HCN4: variants seen among roughly 807,000 people sequenced by gnomAD.
The protein encoded by HCN4 is potassium/sodium hyperpolarization-activated cyclic nucleotide-gated channel 4.
Under a neutral mutation model 76.9 loss-of-function variants are expected in HCN4, and 29 were observed. That is an observed-to-expected ratio of 0.38 (90% confidence interval 0.28 to 0.51). HCN4 has a LOEUF of 0.51. Among genes scored for constraint, HCN4 ranks in the 20% least tolerant of loss-of-function variants. The probability of loss-of-function intolerance (pLI) is 0.90; values close to 1 mark genes in which losing one functional copy is unlikely to be tolerated. For synonymous variants in HCN4, 772 were observed against 762.5 expected (o/e 1.01, Z -0.21); for missense variants, 1,416 against 1,715.2 (o/e 0.83, Z 3.08).
chr15:73,343,734 A>C lies in HCN4; in HGVS notation c.860T>G (p.Phe287Cys). The change falls in exon 2 of 8, where the codon TTC becomes TGC. Residue 287 changes from phenylalanine to cysteine, a missense_variant. Phe to Cys is a radical substitution (Grantham distance 205, BLOSUM62 -2). Around this residue, in one of 6 missense-constraint regions of HCN4, gnomAD observed 52 missense variants for 129.1 expected, o/e 0.40. Transcript: ENST00000261917. The surrounding 1 kb of genome is among the most constrained non-coding windows in gnomAD (Gnocchi z 5.7). ...LIIIPVGITFFKDENTTPWIV... is the reference protein window; with the variant it reads ...LIIIPVGITFCKDENTTPWIV... Reference sequence around the variant, plus strand: ...CCAGGGTGTGGTGTTCTCATCCTTGAAGAAGGTGATGCCCACAGGAATGAT... The same window carrying C: ...CCAGGGTGTGGTGTTCTCATCCTTGCAGAAGGTGATGCCCACAGGAATGAT... 6.2e-7 allele frequency: 1 copy of C among 1,614,172 alleles called. No individual in the cohort carries two copies. The highest frequency in any genetic ancestry group is 8.5e-7 in the Non-Finnish European group (1 of 1,180,032).
chr15:73,367,302 G>A lies in HCN4; in HGVS notation c.785+184C>T, dbSNP rs566033956. Among the ~76,000 whole-genome samples the A allele has an allele frequency of 1.3e-5, 2 of 152,136 alleles. No individual in the cohort carries two copies. The highest frequency in any genetic ancestry group is 3.9e-4 in the East Asian group (2 of 5,178). On this transcript the variant is annotated intron_variant, in intron 1 of 7. Transcript: ENST00000261917. The surrounding 1 kb of genome is among the most constrained non-coding windows in gnomAD (Gnocchi z 7.5). ...AGAAGACCAGTGACTGAACCCAGAGGAAAGTTCCCCCAGCGCGGTGCAGGA... is the reference window on the plus strand; with the variant it reads ...AGAAGACCAGTGACTGAACCCAGAGAAAAGTTCCCCCAGCGCGGTGCAGGA...
chr15:73,341,702 T>C (rs2043004534), intron 2 of HCN4, among the ~76,000 whole-genome samples: 1 of 152,200 alleles, frequency 6.6e-6, no homozygotes, highest in Admixed American at 6.5e-5. Context: ...GTCCCAGTTC[T>C]ACCAGAGGTC....
At chr15:73,360,722 G>A (rs1190622204) in intron 1 of HCN4, among the ~76,000 whole-genome samples, 5 of 152,170 alleles carry the variant, frequency 3.3e-5, no homozygotes, top group Non-Finnish European at 7.3e-5. Flanking sequence ...AAATGAAATG[G>A]GAGATATAGA....
chr15:73,356,188 G>GC (rs1491458517), intron 1 of HCN4, among the ~76,000 whole-genome samples: 7 of 129,606 alleles, frequency 5.4e-5, no homozygotes, highest in Admixed American at 3.8e-4. Context: ...TTTGTTTTTT[G>GC]CTTTTTTTTT....
At chr15:73,360,256 G>T (rs1304897429) in intron 1 of HCN4, among the ~76,000 whole-genome samples, 1 of 152,186 alleles carries the variant, frequency 6.6e-6, no homozygotes, top group Non-Finnish European at 1.5e-5. Flanking sequence ...GGAAGCTGGG[G>T]GTGGACTTAA....
chr15:73,348,049 A>G (rs1427069967), intron 1 of HCN4, among the ~76,000 whole-genome samples: 1 of 152,234 alleles, frequency 6.6e-6, no homozygotes, highest in Non-Finnish European at 1.5e-5. Flanking sequence ...CCATATGCAG[A>G]AAGAATGGGG....
At chr15:73,334,723 C>T (rs745462267) in intron 2 of HCN4, among the ~76,000 whole-genome samples, 10 of 152,050 alleles carry the variant, frequency 6.6e-5, no homozygotes, top group Admixed American at 1.3e-4. Context: ...ACATCTGCCC[C>T]CTGTTTTACA....
At position 73,325,250 on chromosome 15, in the gene HCN4, G is replaced by A. The variant is rs201204739; in HGVS notation, c.1737+48C>T. The A allele has an allele frequency of 2.5e-6, 4 of 1,614,082 alleles. No homozygotes were observed. Among genetic ancestry groups the A allele is most frequent in the Non-Finnish European group, 3.4e-6 (4 of 1,179,970 alleles). On this transcript the variant is annotated intron_variant, in intron 5 of 7. Coordinates refer to ENST00000261917, the MANE Select transcript of HCN4 (RefSeq NM_005477.3). This position sits in a 1 kb window ranked among gnomAD's most constrained non-coding sequence, Gnocchi z 7.4. ...AAGGAGGTGGTGAGGGGAGCTGGCT[G>A]CCAGGAAGGCCTGGCTCCCCTCCAC...
chr15:73,360,397 G>T (rs554929133), intron 1 of HCN4, among the ~76,000 whole-genome samples: 8 of 152,184 alleles, frequency 5.3e-5, no homozygotes, highest in Admixed American at 4.6e-4. Context: ...TGAAACAAAG[G>T]CTCCAGGCCA....
At chr15:73,362,973 C>T (rs2043112493) in intron 1 of HCN4, among the ~76,000 whole-genome samples, 1 of 152,196 alleles carries the variant, frequency 6.6e-6, no homozygotes, top group Admixed American at 6.5e-5. Context: ...GTCCTGAGCT[C>T]CAGCAGCCCC....
At chr15:73,324,388 G>A (rs779624537) in intron 6 of HCN4, 135 bp from the exon 7 acceptor site, 225 of 919,756 alleles carry the variant, frequency 2.4e-4, no homozygotes, top group East Asian at 1.6e-3. Flanking sequence ...CCCAGACTGC[G>A]GCCACACTGG....
In HCN4 at chr15:73,322,043, C is replaced by T; in HGVS notation, c.*438G>A. ...CAGGCTTCTGAGGCTCCCCAGGGCA[C>T]ACCCCAGGGCAGCCCCTTTCTGGGG... is the stretch of plus-strand genomic sequence containing the variant. On this transcript the variant is annotated 3_prime_UTR_variant, in exon 8 of 8. Transcript: ENST00000261917. 1 of 213,940 alleles carries T rather than the reference C, an allele frequency of 4.7e-6. No individual in the cohort carries two copies. Among genetic ancestry groups the T allele is most frequent in the Non-Finnish European group, 9.4e-6 (1 of 106,536 alleles). 13.3% of individuals were successfully genotyped at this position (213,940 alleles called of 1,614,324 possible). A position where few individuals can be genotyped will look rare whatever the true frequency, so the allele number is the denominator to read the frequency against.
Position 73,319,901 on chromosome 15 carries a change from C to T in HCN4, c.*2580G>A, listed in dbSNP as rs977334607. The T allele has an allele frequency of 2.0e-5, 3 of 152,152 alleles. No individual in the cohort carries two copies. Among genetic ancestry groups the T allele is most frequent in the Non-Finnish European group, 2.9e-5 (2 of 68,042 alleles). The allele number at this position is 152,152 out of a possible 1,614,324, so 9.4% of individuals were successfully genotyped here. On this transcript the variant is annotated 3_prime_UTR_variant, in exon 8 of 8. Transcript: ENST00000261917. ...TTTAAATAAAATATACAATACGGCG[C>T]ATTTACCGGTTTCTGTTTTAAAAGT...
intron 1 of HCN4, among the ~76,000 whole-genome samples, chr15:73,349,911 A>T (rs1338279101): frequency 6.6e-6 from 1 of 152,132 alleles, no homozygotes; most frequent in Non-Finnish European, 1.5e-5. Flanking sequence ...AAATCCTGTG[A>T]TTGTCCTGGG....
In HCN4 at chr15:73,368,208, G is replaced by C. The variant is rs746198895; in HGVS notation, c.63C>G (p.Ala21=). ...CTTCCTCGTCCATGATCCACGCCTTGGCCCCCACCTGCTGCGGGAGGCTGT... is the reference window on the plus strand; with the variant it reads ...CTTCCTCGTCCATGATCCACGCCTTCGCCCCCACCTGCTGCGGGAGGCTGT... ...RLYSLPQQVG[A]KAWIMDEEED... The change falls in exon 1 of 8, where the codon GCC becomes GCG. Residue 21 remains alanine (A), a synonymous_variant. Coordinates refer to ENST00000261917, the MANE Select transcript of HCN4 (RefSeq NM_005477.3). This position sits in a 1 kb window ranked among gnomAD's most constrained non-coding sequence, Gnocchi z 6.9. 3.9e-6 allele frequency: 6 copies of C among 1,531,854 alleles called. No homozygotes were observed. The highest frequency in any genetic ancestry group is 1.2e-5 in the South Asian group (1 of 82,428). The allele number at this position is 1,531,854 out of a possible 1,614,324, so 94.9% of individuals were successfully genotyped here.
Position 73,325,440 on chromosome 15 carries a change from T to C in HCN4, c.1595A>G (p.Lys532Arg). ...AAAGGACATGTACTGCTCCACCTGC[T>C]TGTACTGAGGCCGGGAGAAGGGGGC... Reference protein sequence around the residue: ...SSRRQYQEKYKQVEQYMSFHK... With the variant: ...SSRRQYQEKYRQVEQYMSFHK... Residue 532 changes from lysine to arginine, a missense_variant, in exon 5 of 8, where the codon AAG becomes AGG. By Grantham distance (26) the Lys-to-Arg change is conservative. This residue lies in a region of HCN4 where 241 missense variants were observed against 379.4 expected (regional missense o/e 0.64). Coordinates refer to ENST00000261917, the MANE Select transcript of HCN4 (RefSeq NM_005477.3). This position sits in a 1 kb window ranked among gnomAD's most constrained non-coding sequence, Gnocchi z 7.4. 1.2e-6 allele frequency: 2 copies of C among 1,614,082 alleles called. No homozygotes were observed.
chr15:73,345,386 G>A (rs763284588), intron 1 of HCN4, among the ~76,000 whole-genome samples: 45 of 152,114 alleles, frequency 3.0e-4, no homozygotes, highest in Admixed American at 5.2e-4. Context: ...GGATAAGGCC[G>A]GATGCCAAGA....
At chr15:73,331,852 C>T (rs928842394) in intron 3 of HCN4, among the ~76,000 whole-genome samples, 3 of 152,156 alleles carry the variant, frequency 2.0e-5, no homozygotes, top group African/African-American at 7.2e-5. Flanking sequence ...GTCTTAGTCT[C>T]CCTGGGTAAA....
At chr15:73,340,801 C>T (rs1035930036) in intron 2 of HCN4, among the ~76,000 whole-genome samples, 6 of 152,224 alleles carry the variant, frequency 3.9e-5, no homozygotes, top group Admixed American at 3.9e-4. Flanking sequence ...GAATGAAGTC[C>T]AGTCCCCCAT....
Sources: allele counts gnomAD v4.1 joint callset (sites outside exome capture counted in the v4.1 genomes callset), GRCh38; gene constraint gnomAD v4.1.1; regional missense constraint gnomAD v4.1.1; non-coding constraint Gnocchi (gnomAD v3.1); transcripts MANE v1.5; gene names NCBI Gene and HGNC (gene_info 2026-07-23, HGNC 2026-07-21).